The following ELMO1 variants were observed in gnomAD, a reference collection of about 807,000 sequenced individuals.
The protein encoded by ELMO1 is engulfment and cell motility protein 1.
In ELMO1, 26 loss-of-function variants were observed where a neutral mutation model predicts 98.9. The ratio of observed to expected loss-of-function variants is 0.26; its 90% CI spans 0.19 to 0.36. ELMO1 has a LOEUF of 0.36. ELMO1 is among the 10% of genes least tolerant of loss of function. ELMO1 has a pLI of 1.00. For missense variants in ELMO1, 627 were observed against 935.2 expected, an observed-to-expected ratio of 0.67 and a Z score of 4.30; for synonymous variants, 346 against 346.0, an observed-to-expected ratio of 1.00 and a Z score of 0.00.
At chr7:37,044,219 C>T (rs1795682243) in intron 15 of ELMO1, among the ~76,000 whole-genome samples, 2 of 152,256 alleles carry the variant, frequency 1.3e-5, no homozygotes, top group Non-Finnish European at 2.9e-5. Flanking sequence ...AGGGTCCTTA[C>T]TAGTCAGCAG....
intron 15 of ELMO1, among the ~76,000 whole-genome samples, chr7:37,079,549 C>T (rs529012592): frequency 6.6e-6 from 1 of 152,268 alleles, no homozygotes; most frequent in East Asian, 1.9e-4. Context: ...ATTGCCTCTG[C>T]CCCTACTTGC....
At chr7:36,975,426 C>T (rs183111923) in intron 16 of ELMO1, among the ~76,000 whole-genome samples, 31 of 151,840 alleles carry the variant, frequency 2.0e-4, no homozygotes, top group South Asian at 1.7e-3. Context: ...GAGCTGAGAT[C>T]GCACCACTGC....
intron 1 of ELMO1, among the ~76,000 whole-genome samples, chr7:37,369,664 C>A (rs1410146098): frequency 4.0e-5 from 5 of 126,306 alleles, no homozygotes; most frequent in Admixed American, 1.5e-4. Context: ...TATATATAGC[C>A]CAAAATGTAA....
At position 37,248,194 on chromosome 7, in the gene ELMO1, A is replaced by G. The variant is rs541548637; in HGVS notation, c.414-3803T>C. Among the ~76,000 whole-genome samples, 88 of 141,132 alleles carry G rather than the reference A, an allele frequency of 6.2e-4. 1 individual carries two copies. The highest frequency in any genetic ancestry group is 1.2e-3 in the Non-Finnish European group (74 of 63,476). The allele number at this position is 141,132 out of a possible 152,430, so 92.6% of individuals were successfully genotyped here. A position where few individuals can be genotyped will look rare whatever the true frequency, so the allele number is the denominator to read the frequency against. On this transcript the variant is annotated intron_variant, in intron 6 of 21. Coordinates refer to ENST00000310758, the MANE Select transcript of ELMO1 (RefSeq NM_014800.11). ...TCTATTGCCCTAAGTGGGATTTTAT[A>G]TGTGTGTGTGTGTGTGTGTGTGTCT... is the stretch of plus-strand genomic sequence containing the variant.
chr7:37,277,105 T>C (rs1191295114), intron 4 of ELMO1, among the ~76,000 whole-genome samples: 2 of 152,232 alleles, frequency 1.3e-5, no homozygotes, highest in Non-Finnish European at 2.9e-5. Flanking sequence ...GTTGAATAAA[T>C]AGCTAAACTA....
chr7:37,207,371 C>A (rs183294003), intron 13 of ELMO1, among the ~76,000 whole-genome samples: 1 of 149,810 alleles, frequency 6.7e-6, no homozygotes, highest in African/African-American at 2.5e-5. Flanking sequence ...GCCAACATGG[C>A]GAAACCCTGT....
chr7:36,887,684 A>C lies in ELMO1; in HGVS notation c.1602-12T>G. On this transcript the variant is annotated splice_polypyrimidine_tract_variant and intron_variant, in intron 17 of 21. Transcript: ENST00000310758. ...TCTCCTTTAGTTCCCTGTTAGAGGAAAAACACATATTCCACAGCATGCCTT... is the reference window on the plus strand; with the variant it reads ...TCTCCTTTAGTTCCCTGTTAGAGGACAAACACATATTCCACAGCATGCCTT... 2 of 1,612,590 alleles carry C rather than the reference A, an allele frequency of 1.2e-6. No homozygotes were observed. The highest frequency in any genetic ancestry group is 1.7e-6 in the Non-Finnish European group (2 of 1,178,672).
Position 37,013,447 on chromosome 7 carries a change from A to G in ELMO1, c.1301-12T>C, listed in dbSNP as rs1350470635. The G allele has an allele frequency of 6.8e-6, 11 of 1,613,510 alleles. No homozygotes were observed. Among genetic ancestry groups the G allele is most frequent in the Admixed American group, 5.0e-5 (3 of 59,964 alleles). Reference sequence around the variant, plus strand: ...GCAGGTCTCACTAGCTGGAGGAAAGAGATGGAAAATAAGAGAAAAAGTTTT... The same window carrying G: ...GCAGGTCTCACTAGCTGGAGGAAAGGGATGGAAAATAAGAGAAAAAGTTTT... On this transcript the variant is annotated splice_polypyrimidine_tract_variant and intron_variant, in intron 15 of 21. Coordinates refer to ENST00000310758, the MANE Select transcript of ELMO1 (RefSeq NM_014800.11).
chr7:37,213,349 C>T lies in ELMO1; in HGVS notation c.940G>A (p.Asp314Asn), dbSNP rs1289004892. 1 of 1,612,718 alleles carries T rather than the reference C, an allele frequency of 6.2e-7. No individual in the cohort carries two copies. Among genetic ancestry groups the T allele is most frequent in the Non-Finnish European group, 8.5e-7 (1 of 1,179,640 alleles). The change falls in exon 12 of 22, where the codon GAC (aspartate) becomes AAC (asparagine). Residue 314 changes from aspartate (D) to asparagine (N), a missense_variant. Around this residue, in one of 3 missense-constraint regions of ELMO1, gnomAD observed 492 missense variants for 715.6 expected, o/e 0.69. Coordinates refer to ENST00000310758, the MANE Select transcript of ELMO1 (RefSeq NM_014800.11). ...TGAGCACTCACCTGGTCCTGGGGGT[C>T]CATTTTGGTCATCATCCTGTCTTCC... ...LLEDRMMTKMDPQDQAQRDII... is the reference protein window; with the variant it reads ...LLEDRMMTKMNPQDQAQRDII...
At chr7:36,879,984 G>C (rs1804304551) in intron 18 of ELMO1, among the ~76,000 whole-genome samples, 1 of 152,230 alleles carries the variant, frequency 6.6e-6, no homozygotes, top group African/African-American at 2.4e-5. Flanking sequence ...GTGAATTCCA[G>C]AGCAGGAGGC....
At chr7:37,013,200 C>T (rs868390683) in intron 16 of ELMO1, 99 bp downstream of exon 16, 14 of 1,441,100 alleles carry the variant, frequency 9.7e-6, no homozygotes, top group Middle Eastern at 1.8e-4. Flanking sequence ...CCTCATTTCC[C>T]CACCTTGCCA....
intron 15 of ELMO1, among the ~76,000 whole-genome samples, chr7:37,078,043 T>C (rs1201006179): frequency 6.6e-6 from 1 of 152,164 alleles, no homozygotes; most frequent in Non-Finnish European, 1.5e-5. Context: ...CAGGATGACC[T>C]AGTCAGGAGG....
chr7:36,864,590 T>G (rs78319606), intron 20 of ELMO1, among the ~76,000 whole-genome samples: 5,921 of 152,258 alleles, frequency 0.039, 275 homozygotes, highest in East Asian at 0.24. Flanking sequence ...GCGGGGAGGC[T>G]GCAGAGCCAG....
intron 13 of ELMO1, among the ~76,000 whole-genome samples, chr7:37,207,263 T>C (rs73108939): frequency 6.6e-6 from 1 of 152,190 alleles, no homozygotes; most frequent in African/African-American, 2.4e-5. Flanking sequence ...AAAATAGCAT[T>C]ATCCCGGCAG....
intron 13 of ELMO1, among the ~76,000 whole-genome samples, chr7:37,143,429 C>G (rs1787768307): frequency 6.6e-6 from 1 of 152,154 alleles, no homozygotes; most frequent in Non-Finnish European, 1.5e-5. Context: ...TTTTTTGCGA[C>G]CGAGTCTCGC....
intron 1 of ELMO1, chr7:37,375,909 T>A: frequency 1.5e-6 from 1 of 661,200 alleles, no homozygotes; most frequent in Admixed American, 2.0e-5. Flanking sequence ...CGTGCAGACA[T>A]AGTGCTGCTG....
chr7:36,991,937 C>G (rs765133231), intron 16 of ELMO1, among the ~76,000 whole-genome samples: 7 of 152,304 alleles, frequency 4.6e-5, no homozygotes, highest in Middle Eastern at 6.8e-3. Context: ...ACTCAGGTGT[C>G]CATCTGTGGA....
chr7:36,935,074 GAA>G (rs1461027147), intron 16 of ELMO1, among the ~76,000 whole-genome samples: 1 of 152,176 alleles, frequency 6.6e-6, no homozygotes, highest in Non-Finnish European at 1.5e-5. Flanking sequence ...ACCCCATCTC[GAA>G]TTGTAGCTCC....
Position 37,070,624 on chromosome 7 carries a change from T to C in ELMO1, c.1300+25995A>G, listed in dbSNP as rs547651451. The stretch of plus-strand genomic sequence containing the variant: ...TCCTGTTCTCATCTGTGGTCCCACG[T>C]GTCTTGAGCAAGGCTTTCTTGTTTG... On this transcript the variant is annotated intron_variant, in intron 15 of 21. Coordinates refer to ENST00000310758, the MANE Select transcript of ELMO1 (RefSeq NM_014800.11). Among the ~76,000 whole-genome samples, 17 of 152,314 alleles carry C rather than the reference T, an allele frequency of 1.1e-4. No individual in the cohort carries two copies. In the South Asian group the frequency reaches 3.5e-3, roughly 32 times the overall value.
Sources: gnomAD v4.1 joint callset for allele counts (sites outside exome capture counted in the v4.1 genomes callset) on GRCh38, gnomAD v4.1.1 for gene constraint, gnomAD v4.1.1 regional missense constraint, MANE v1.5 for transcripts, NCBI Gene and HGNC (gene_info 2026-07-23, HGNC 2026-07-21) for gene names.